The following ZNF423 variants were observed in gnomAD, a reference collection of about 807,000 sequenced individuals.
The protein encoded by ZNF423 is zinc finger protein 423.
A neutral mutation model predicts 95.8 loss-of-function variants in ZNF423; 12 were observed. That is an observed-to-expected ratio of 0.13 (90% CI 0.08 to 0.20). The LOEUF (loss-of-function observed/expected upper bound fraction) is 0.20. Ranked by LOEUF, ZNF423 falls within the 10% of genes least tolerant of loss-of-function variation. ZNF423 has a pLI of 1.00. For synonymous variants in ZNF423, 749 were observed against 711.9 expected, an observed-to-expected ratio of 1.05 and a Z score of -0.83; for missense variants, 1,316 against 1,737.1, an observed-to-expected ratio of 0.76 and a Z score of 4.31.
chr16:49,652,619 T>C lies in ZNF423; in HGVS notation c.302-13745A>G, dbSNP rs114379916. Among the ~76,000 whole-genome samples the C allele has an allele frequency of 4.6e-3, 707 of 152,298 alleles. 3 individuals carry two copies. The highest frequency in any genetic ancestry group is 0.016 in the African/African-American group (685 of 41,582). On this transcript the variant is annotated intron_variant, in intron 3 of 7. Coordinates refer to ENST00000563137, the MANE Select transcript of ZNF423 (RefSeq NM_001379286.1). ...GCCTTGTGAAGTCATCTCCGTGAGCTTCATGAAGCAACACCGCCAAGGGCC... is the reference window on the plus strand; with the variant it reads ...GCCTTGTGAAGTCATCTCCGTGAGCCTCATGAAGCAACACCGCCAAGGGCC...
In ZNF423 at chr16:49,544,375, T is replaced by C. The variant is rs184992047; in HGVS notation, c.3602-18881A>G. On this transcript the variant is annotated intron_variant, in intron 5 of 7. Coordinates refer to ENST00000563137, the MANE Select transcript of ZNF423 (RefSeq NM_001379286.1). ...TGTGCATCTCTCTGAACGTACGCTA[T>C]ACTTCAACAAAGTTTTAAAAAACCC... Among the ~76,000 whole-genome samples the C allele has an allele frequency of 4.6e-5, 7 of 152,324 alleles. No individual in the cohort carries two copies. The East Asian group carries it at 1.4e-3, about 29-fold the overall frequency.
intron 2 of ZNF423, among the ~76,000 whole-genome samples, chr16:49,750,483 G>A (rs1467686926): frequency 6.6e-6 from 1 of 152,200 alleles, no homozygotes; most frequent in Non-Finnish European, 1.5e-5. Context: ...CTGAGTCACA[G>A]AAGACGTGTC....
intron 5 of ZNF423, among the ~76,000 whole-genome samples, chr16:49,526,831 A>G (rs1408891998): frequency 5.9e-5 from 9 of 152,230 alleles, no homozygotes; most frequent in Admixed American, 5.9e-4. Flanking sequence ...AGGGGTCTGG[A>G]ACAGACCCTG....
chr16:49,522,770 C>T (rs922929338), intron 7 of ZNF423, among the ~76,000 whole-genome samples: 11 of 152,114 alleles, frequency 7.2e-5, no homozygotes, highest in Non-Finnish European at 1.3e-4. Context: ...GAACTGTGTG[C>T]GTGCACCTTC....
At chr16:49,572,355 T>G (rs1411252228) in intron 5 of ZNF423, among the ~76,000 whole-genome samples, 1 of 151,504 alleles carries the variant, frequency 6.6e-6, no homozygotes, top group Admixed American at 6.6e-5. Context: ...GGATTTTAAC[T>G]GGGGGGAGTG....
intron 3 of ZNF423, among the ~76,000 whole-genome samples, chr16:49,645,371 T>G (rs761907509): frequency 7.9e-5 from 12 of 152,170 alleles, no homozygotes; most frequent in Admixed American, 2.6e-4. Context: ...TAATTGGTAG[T>G]GGTTGCCTAG....
intron 3 of ZNF423, among the ~76,000 whole-genome samples, chr16:49,671,435 T>C (rs2030803810): frequency 6.6e-6 from 1 of 152,196 alleles, no homozygotes; most frequent in Non-Finnish European, 1.5e-5. Context: ...GTCCACCCGC[T>C]ACAGGGTGTC....
rs12051370 is a variant in ZNF423, at chr16:49,563,621, C to T, written c.3602-38127G>A. Among the ~76,000 whole-genome samples the T allele has an allele frequency of 3.9e-5, 6 of 152,338 alleles. No individual in the cohort carries two copies. The East Asian group carries it at 1.2e-3, about 29-fold the overall frequency. ...CATAGAGCCAGGAAGGGGCAGAGCC[C>T]AGACTCAAACCAAGGTGGTCTGCCT... On this transcript the variant is annotated intron_variant, in intron 5 of 7. Coordinates refer to ENST00000563137, the MANE Select transcript of ZNF423 (RefSeq NM_001379286.1).
At chr16:49,745,136 G>A (rs1268849584) in intron 2 of ZNF423, among the ~76,000 whole-genome samples, 1 of 151,938 alleles carries the variant, frequency 6.6e-6, no homozygotes, top group African/African-American at 2.4e-5. Flanking sequence ...AAGTTTCCAT[G>A]CAGGAAAGGT....
At chr16:49,817,468 A>G (rs528946583) in intron 1 of ZNF423, among the ~76,000 whole-genome samples, 5 of 152,308 alleles carry the variant, frequency 3.3e-5, no homozygotes, top group Admixed American at 6.5e-5. Flanking sequence ...AAACCCAATA[A>G]AAGAGACGCA....
chr16:49,531,494 G>A (rs958159047), intron 5 of ZNF423, among the ~76,000 whole-genome samples: 5 of 151,964 alleles, frequency 3.3e-5, no homozygotes, highest in Admixed American at 6.6e-5. Context: ...CACAAATAGC[G>A]CAGAACAGGA....
intron 1 of ZNF423, among the ~76,000 whole-genome samples, chr16:49,815,348 T>C (rs1349296246): frequency 6.6e-6 from 1 of 152,062 alleles, no homozygotes; most frequent in Non-Finnish European, 1.5e-5. Context: ...GACAGGAAGT[T>C]ATCTGGGAGT....
At chr16:49,828,450 G>A (rs1309070565) in intron 1 of ZNF423, among the ~76,000 whole-genome samples, 1 of 152,140 alleles carries the variant, frequency 6.6e-6, no homozygotes, top group Non-Finnish European at 1.5e-5. Flanking sequence ...AGCATAGTTC[G>A]AGTTTGTGAA....
chr16:49,780,961 C>A (rs2034202801), intron 2 of ZNF423, among the ~76,000 whole-genome samples: 1 of 152,260 alleles, frequency 6.6e-6, no homozygotes, highest in Non-Finnish European at 1.5e-5. Flanking sequence ...TGGACGCCAC[C>A]AGCACACCAG....
At chr16:49,523,167 C>G (rs1968466435) in intron 7 of ZNF423, among the ~76,000 whole-genome samples, 1 of 152,124 alleles carries the variant, frequency 6.6e-6, no homozygotes, top group South Asian at 2.1e-4. Flanking sequence ...CTGGGGCAAT[C>G]GGGCACCACT....
At chr16:49,623,039 G>A (rs565918151) in intron 5 of ZNF423, among the ~76,000 whole-genome samples, 5 of 152,116 alleles carry the variant, frequency 3.3e-5, no homozygotes, top group South Asian at 4.2e-4. Flanking sequence ...GATGAGGCTC[G>A]GGGAGGGCAG....
chr16:49,680,782 T>C (rs1567286550), intron 3 of ZNF423, among the ~76,000 whole-genome samples: 3 of 152,196 alleles, frequency 2.0e-5, no homozygotes, highest in East Asian at 1.9e-4. Flanking sequence ...TTGGCAGGTA[T>C]GGGATCCAGG....
At chr16:49,739,044 A>AG (rs2033355297) in intron 2 of ZNF423, among the ~76,000 whole-genome samples, 1 of 152,092 alleles carries the variant, frequency 6.6e-6, no homozygotes, top group Admixed American at 6.5e-5. Context: ...GGGATGACAG[A>AG]GAAAAAACAG....
In ZNF423 at chr16:49,620,483, G is replaced by A. The variant is rs376527621; in HGVS notation, c.3601+5687C>T. Among the ~76,000 whole-genome samples, 17 of 152,290 alleles carry A rather than the reference G, an allele frequency of 1.1e-4. No homozygotes were observed. The East Asian group carries it at 1.2e-3, about 10-fold the overall frequency. On this transcript the variant is annotated intron_variant, in intron 5 of 7. Transcript: ENST00000563137. ...GAAGGCACCCAGGGAAAGGGCCGGC[G>A]TGAGCATGAAAAGCAGGCCTCCGGA...
Sources: allele counts gnomAD v4.1 joint callset (sites outside exome capture counted in the v4.1 genomes callset), GRCh38; gene constraint gnomAD v4.1.1; transcripts MANE v1.5; gene names NCBI Gene and HGNC (gene_info 2026-07-23, HGNC 2026-07-21).